STPG2: variants seen among roughly 807,000 people sequenced by gnomAD.
STPG2 encodes the protein sperm tail PG-rich repeat containing 2.
In STPG2, 56 loss-of-function variants were observed where a neutral mutation model predicts 54.2. That is an observed-to-expected ratio of 1.03 (90% CI 0.83 to 1.29). The LOEUF (loss-of-function observed/expected upper bound fraction) is 1.29, where lower values mean the gene tolerates loss of function less well. STPG2 is among the 50% of genes most tolerant of loss of function. The pLI is 0.00. For synonymous variants in STPG2, 200 were observed against 181.8 expected (o/e 1.10, Z -0.81); for missense variants, 596 against 544.9 (o/e 1.09, Z -0.93).
At chr4:97,724,662 T>C (rs2149019422) in intron 9 of STPG2, among the ~76,000 whole-genome samples, 1 of 152,240 alleles carries the variant, frequency 6.6e-6, no homozygotes, top group East Asian at 1.9e-4. Context: ...TTAAAGTAGG[T>C]TTATATCTTT....
At chr4:97,666,721 C>T (rs780553235) in intron 10 of STPG2, among the ~76,000 whole-genome samples, 46 of 152,112 alleles carry the variant, frequency 3.0e-4, no homozygotes, top group Non-Finnish European at 5.4e-4. Context: ...CTTGTGAACT[C>T]GGTAAATTAT....
intron 4 of STPG2, among the ~76,000 whole-genome samples, chr4:97,484,637 G>T (rs1026063548): frequency 6.6e-6 from 1 of 151,792 alleles, no homozygotes; most frequent in African/African-American, 2.4e-5. Context: ...GACATCCAAA[G>T]AAGAATTGGT....
rs1722691152 is a variant in STPG2, at chr4:97,671,412, T to C, written c.1320+41287A>G. Among the ~76,000 whole-genome samples, 5 of 152,316 alleles carry C rather than the reference T, an allele frequency of 3.3e-5. No individual in the cohort carries two copies. In the South Asian group the frequency reaches 1.0e-3, roughly 32 times the overall value. ...GCCTCGTATTTACCAATAACATTTT[T>C]TAAATTTTGCACTGTGTAATAACAG... On this transcript the variant is annotated intron_variant, in intron 10 of 10. Transcript: ENST00000295268.
intron 5 of STPG2, among the ~76,000 whole-genome samples, chr4:98,102,820 T>A (rs1470269280): frequency 7.8e-5 from 10 of 127,490 alleles, no homozygotes; most frequent in African/African-American, 2.7e-4. Flanking sequence ...ATAATATATA[T>A]AACATATATT....
At chr4:98,106,939 A>G (rs573163050) in intron 4 of STPG2, among the ~76,000 whole-genome samples, 1 of 152,290 alleles carries the variant, frequency 6.6e-6, no homozygotes, top group African/African-American at 2.4e-5. Context: ...AACTATACCA[A>G]ACATATGCAG....
At chr4:98,098,236 G>A (rs1738919082) in intron 5 of STPG2, among the ~76,000 whole-genome samples, 1 of 152,012 alleles carries the variant, frequency 6.6e-6, no homozygotes, top group South Asian at 2.1e-4. Context: ...CAGAGCTACA[G>A]TAACCAAAAC....
rs569118854 is a variant in STPG2 at position 97,460,880 on chromosome 4, T to C, written c.462+251819A>G. ...AAATGGAATCACACAGAAAATTTGC[T>C]CTTGAGTCTGGTTTCATTCATTCAA... is the stretch of plus-strand genomic sequence containing the variant. On this transcript the variant is annotated intron_variant, in intron 4 of 4. Coordinates refer to the STPG2 transcript ENST00000522676. 9.3e-4 allele frequency among the ~76,000 whole-genome samples: 141 copies of C among 152,220 alleles called. 1 individual carries two copies. Among genetic ancestry groups the C allele is most frequent in the Non-Finnish European group, 1.7e-3 (117 of 68,044 alleles).
At chr4:97,826,201 T>C (rs1301643849) in intron 9 of STPG2, among the ~76,000 whole-genome samples, 1 of 152,224 alleles carries the variant, frequency 6.6e-6, no homozygotes, top group Non-Finnish European at 1.5e-5. Context: ...GTGTAACACG[T>C]AGTTGAGACT....
chr4:97,665,434 C>G (rs796710607), intron 10 of STPG2, among the ~76,000 whole-genome samples: 39 of 152,272 alleles, frequency 2.6e-4, no homozygotes, highest in African/African-American at 8.9e-4. Flanking sequence ...CAGCTCTCAG[C>G]AGAGAGGAGA....
intron 9 of STPG2, among the ~76,000 whole-genome samples, chr4:97,750,775 A>C (rs1312291941): frequency 1.3e-5 from 2 of 151,796 alleles, no homozygotes; most frequent in Admixed American, 1.3e-4. Flanking sequence ...AAAAGAAAAG[A>C]AGAGAGACTT....
chr4:98,114,429 A>T (rs1739450025), intron 3 of STPG2, among the ~76,000 whole-genome samples: 2 of 152,084 alleles, frequency 1.3e-5, no homozygotes, highest in African/African-American at 4.8e-5. Flanking sequence ...TATTTCACAC[A>T]AGAACATATC....
At chr4:97,743,727 G>T (rs1177440215) in intron 9 of STPG2, among the ~76,000 whole-genome samples, 2 of 151,582 alleles carry the variant, frequency 1.3e-5, no homozygotes, top group East Asian at 1.9e-4. Flanking sequence ...GCACATATAT[G>T]CCTGTAATGC....
intron 4 of STPG2, among the ~76,000 whole-genome samples, chr4:97,523,568 A>T (rs945417365): frequency 6.6e-6 from 1 of 151,938 alleles, no homozygotes; most frequent in Non-Finnish European, 1.5e-5. Flanking sequence ...GTCTTCAAGG[A>T]ATGAGTGTTT....
intron 4 of STPG2, among the ~76,000 whole-genome samples, chr4:97,485,293 G>T (rs1400283198): frequency 6.6e-6 from 1 of 151,672 alleles, no homozygotes; most frequent in Non-Finnish European, 1.5e-5. Flanking sequence ...CGATATGATT[G>T]TTTACCTCAA....
intron 7 of STPG2, among the ~76,000 whole-genome samples, chr4:97,971,870 CT>C (rs34444994): frequency 0.39 from 58,955 of 151,670 alleles, 11,506 homozygotes; most frequent in Middle Eastern, 0.45. Context: ...ACAGAACTTT[CT>C]CCATATTAGA....
At chr4:97,497,236 T>C (rs2148830885) in intron 4 of STPG2, among the ~76,000 whole-genome samples, 1 of 151,846 alleles carries the variant, frequency 6.6e-6, no homozygotes, top group East Asian at 2.0e-4. Context: ...AGCTAGAAAA[T>C]AATTAGCAAA....
chr4:98,128,663 A>C, intron 2 of STPG2, 71 bp from the exon 3 acceptor site: 1 of 1,218,452 alleles, frequency 8.2e-7, no homozygotes. Context: ...AAATATTAAA[A>C]GTTACTAAAA....
intron 9 of STPG2, among the ~76,000 whole-genome samples, chr4:97,766,276 C>G (rs556844964): frequency 6.6e-6 from 1 of 151,880 alleles, no homozygotes. Flanking sequence ...AATTGGCAAA[C>G]GGAGGAAAGG....
intron 4 of STPG2, among the ~76,000 whole-genome samples, chr4:97,542,771 C>T (rs552091211): frequency 3.9e-5 from 6 of 152,026 alleles, no homozygotes; most frequent in Admixed American, 1.3e-4. Context: ...AAATATACAC[C>T]GTAGAATACT....
Sources: gnomAD v4.1 joint callset for allele counts (sites outside exome capture counted in the v4.1 genomes callset) on GRCh38, gnomAD v4.1.1 for gene constraint, MANE v1.5 for transcripts, NCBI Gene and HGNC (gene_info 2026-07-23, HGNC 2026-07-21) for gene names.